Variants in ANKFY1 observed in about 807,000 individuals in gnomAD.
ANKFY1 encodes the protein ankyrin repeat and FYVE domain-containing protein 1.
ANKFY1 carries 47 observed loss-of-function variants against 128.3 expected under a neutral mutation model. The observed-to-expected ratio is 0.37, with a 90% CI of 0.29 to 0.47. The LOEUF (loss-of-function observed/expected upper bound fraction) is 0.47. ANKFY1 is among the 20% of genes least tolerant of loss of function. ANKFY1 has a pLI of 1.00. For missense variants in ANKFY1, 1,222 were observed against 1,510.6 expected (o/e 0.81, Z 3.17); for synonymous variants, 553 against 601.6 (o/e 0.92, Z 1.18).
intron 18 of ANKFY1, 105 bp from the exon 19 acceptor site, chr17:4,177,407 T>TC: frequency 1.9e-6 from 2 of 1,038,390 alleles, no homozygotes; most frequent in Non-Finnish European, 2.7e-6. Context: ...GATGGAGACC[T>TC]TCCCTCAGTC....
At chr17:4,209,688 AAACT>A in intron 5 of ANKFY1, 132 bp downstream of exon 5, 1 of 1,016,064 alleles carries the variant, frequency 9.8e-7, no homozygotes, top group Admixed American at 2.5e-5. Flanking sequence ...TCATCTAATC[AAACT>A]ATTTATTCTT....
At chr17:4,183,164 T>C (rs559511678) in intron 14 of ANKFY1, among the ~76,000 whole-genome samples, 1 of 152,346 alleles carries the variant, frequency 6.6e-6, no homozygotes, top group Non-Finnish European at 1.5e-5. Context: ...TGCAATACTA[T>C]GCACTGGTCC....
At chr17:4,222,901 C>T in intron 3 of ANKFY1, 3 of 1,087,994 alleles carry the variant, frequency 2.8e-6, no homozygotes, top group Non-Finnish European at 4.3e-6. Context: ...AATCCAACTC[C>T]TATCACCAGC....
intron 4 of ANKFY1, among the ~76,000 whole-genome samples, chr17:4,212,322 T>C (rs4790185): frequency 0.51 from 77,845 of 152,122 alleles, 21,749 homozygotes; most frequent in East Asian, 0.76. Flanking sequence ...AAAAAAGACC[T>C]GAGTGGAGAC....
intron 3 of ANKFY1, among the ~76,000 whole-genome samples, chr17:4,227,351 G>A (rs1488853264): frequency 1.3e-5 from 2 of 152,014 alleles, no homozygotes; most frequent in Non-Finnish European, 2.9e-5. Context: ...ATAAAAAAGG[G>A]TAATATATAA....
chr17:4,255,404 T>C (rs1311816603), intron 1 of ANKFY1, among the ~76,000 whole-genome samples: 3 of 151,930 alleles, frequency 2.0e-5, no homozygotes, highest in Non-Finnish European at 4.4e-5. Context: ...CCTGCCACCA[T>C]GCCCAGCTAA....
At position 4,235,751 on chromosome 17, in the gene ANKFY1, C is replaced by T. The variant is rs1966879861; in HGVS notation, c.322+21G>A. 23 of 1,580,232 alleles carry T rather than the reference C, an allele frequency of 1.5e-5. No individual in the cohort carries two copies. In the East Asian group the frequency reaches 5.2e-4, roughly 35 times the overall value. On this transcript the variant is annotated intron_variant, in intron 3 of 24. Coordinates refer to ENST00000341657, the MANE Select transcript of ANKFY1 (RefSeq NM_001330063.2). ...GCCCTTCCGCTAGCAGTTTTGTGTC[C>T]CTGATCACTCAAAGGCTCACCTGAC... is the stretch of plus-strand genomic sequence containing the variant.
At chr17:4,229,089 G>T (rs2060472719) in intron 3 of ANKFY1, among the ~76,000 whole-genome samples, 1 of 152,136 alleles carries the variant, frequency 6.6e-6, no homozygotes, top group Admixed American at 6.6e-5. Context: ...TTGCAATGTA[G>T]TCAGATTCAT....
At position 4,181,669 on chromosome 17, in the gene ANKFY1, CT is replaced by C. The variant is rs1175855393; in HGVS notation, c.2122-298del. ...AGAAGGGACAGAAAACAGAAAGTGT[CT>C]GTGTACACATGCACCAACGGGTCCT... On this transcript the variant is annotated intron_variant, in intron 15 of 24. Transcript: ENST00000341657. The surrounding 1 kb of genome is among the most constrained non-coding windows in gnomAD (Gnocchi z 4.9). Among the ~76,000 whole-genome samples the C allele has an allele frequency of 2.0e-5, 3 of 152,308 alleles. No homozygotes were observed. In the East Asian group the frequency reaches 5.8e-4, roughly 29 times the overall value.
intron 1 of ANKFY1, among the ~76,000 whole-genome samples, chr17:4,247,918 A>G (rs913619384): frequency 1.3e-4 from 20 of 152,166 alleles, no homozygotes; most frequent in African/African-American, 4.8e-4. Context: ...TGGTCAAAAT[A>G]TATTAGCTAT....
At position 4,247,133 on chromosome 17, in the gene ANKFY1, A is replaced by G. The variant is rs191896557; in HGVS notation, c.11-4685T>C. Among the ~76,000 whole-genome samples, 36 of 151,878 alleles carry G rather than the reference A, an allele frequency of 2.4e-4. 1 individual carries two copies. The East Asian group carries it at 4.4e-3, about 19-fold the overall frequency. On this transcript the variant is annotated intron_variant, in intron 1 of 24. Coordinates refer to ENST00000341657, the MANE Select transcript of ANKFY1 (RefSeq NM_001330063.2). The stretch of plus-strand genomic sequence containing the variant: ...CTGTCTTAAAAAAAAAAAAGAGAGA[A>G]AAAGAAAAAGAAAAAAAAATGACTG...
intron 7 of ANKFY1, among the ~76,000 whole-genome samples, chr17:4,205,933 C>A (rs2060014992): frequency 6.6e-6 from 1 of 152,184 alleles, no homozygotes; most frequent in Non-Finnish European, 1.5e-5. Context: ...GAACACGTTT[C>A]AAGGTTTATG....
chr17:4,233,983 C>G (rs1402926537), intron 3 of ANKFY1, among the ~76,000 whole-genome samples: 1 of 152,162 alleles, frequency 6.6e-6, no homozygotes, highest in African/African-American at 2.4e-5. Context: ...ATGATGGTCC[C>G]GTAAAATTAT....
rs565794865 is a variant in ANKFY1, at chr17:4,206,533, G to A, written c.733-47C>T. 1.0e-5 allele frequency: 16 copies of A among 1,553,264 alleles called. No homozygotes were observed. In the African/African-American group the frequency reaches 1.2e-4, roughly 12 times the overall value. The stretch of plus-strand genomic sequence containing the variant: ...TTAGCGCCCAGTGAGTAGAGAATAC[G>A]ACCTATTTTAATTTCTCCCACCTTG... On this transcript the variant is annotated intron_variant, in intron 6 of 24. Transcript: ENST00000341657.
At chr17:4,241,967 T>C (rs978999254) in intron 2 of ANKFY1, among the ~76,000 whole-genome samples, 5 of 151,378 alleles carry the variant, frequency 3.3e-5, no homozygotes, top group African/African-American at 1.2e-4. Flanking sequence ...TGGGCACCTG[T>C]AGTCCCAGCC....
intron 3 of ANKFY1, chr17:4,223,262 A>G (rs1359248914): frequency 1.0e-5 from 9 of 862,080 alleles, no homozygotes; most frequent in Non-Finnish European, 1.6e-5. Context: ...ACTGCCTTAC[A>G]TGAACTGAGG....
In ANKFY1 at chr17:4,178,922, T is replaced by C. The variant is rs769820221; in HGVS notation, c.2533A>G (p.Met845Val). The stretch of plus-strand genomic sequence containing the variant: ...GCTGACTTGTTGTTCTTGAAAGTCA[T>C]GGCACAGGCAAACGGGGTCAGCCCT... ...RQGLTPFACAMTFKNNKSAEA... is the reference protein window; with the variant it reads ...RQGLTPFACAVTFKNNKSAEA... The change falls in exon 18 of 25, where the codon ATG becomes GTG. Residue 845 changes from methionine (M) to valine (V), a missense_variant. Physicochemically the swap from Met to Val is conservative, Grantham distance 21. Transcript: ENST00000341657. This position sits in a 1 kb window ranked among gnomAD's most constrained non-coding sequence, Gnocchi z 4.1. 1.7e-5 allele frequency: 28 copies of C among 1,614,116 alleles called. No homozygotes were observed. The highest frequency in any genetic ancestry group is 1.2e-4 in the African/African-American group (9 of 74,938).
chr17:4,211,949 G>A (rs1598085516), intron 4 of ANKFY1, among the ~76,000 whole-genome samples: 1 of 151,888 alleles, frequency 6.6e-6, no homozygotes, highest in Non-Finnish European at 1.5e-5. Context: ...CATCAGAGAA[G>A]AGAGAGCTGA....
intron 4 of ANKFY1, chr17:4,216,698 G>A: frequency 2.4e-6 from 1 of 409,162 alleles, no homozygotes; most frequent in East Asian, 5.2e-5. Context: ...CTGAAAGTTT[G>A]GACATTGGAT....
Sources: gnomAD v4.1 joint callset for allele counts (sites outside exome capture counted in the v4.1 genomes callset) on GRCh38, gnomAD v4.1.1 for gene constraint, Gnocchi (gnomAD v3.1) non-coding constraint, MANE v1.5 for transcripts, NCBI Gene and HGNC (gene_info 2026-07-23, HGNC 2026-07-21) for gene names.